Variants in PTPRQ observed in about 807,000 individuals in gnomAD.
PTPRQ encodes protein tyrosine phosphatase receptor type Q.
Under a neutral mutation model 246.0 loss-of-function variants are expected in PTPRQ, and 199 were observed. The observed-to-expected ratio is 0.81, with a 90% CI of 0.72 to 0.91. The LOEUF is 0.91. Among genes scored for constraint, PTPRQ ranks in the 40% least tolerant of loss-of-function variants. The probability of loss-of-function intolerance (pLI) is 0.00; values close to 1 mark genes in which losing one functional copy is unlikely to be tolerated. For synonymous variants in PTPRQ, 869 were observed against 853.2 expected, an observed-to-expected ratio of 1.02 and a Z score of -0.32; for missense variants, 2,624 against 2,528.4, an observed-to-expected ratio of 1.04 and a Z score of -0.81.
intron 34 of PTPRQ, among the ~76,000 whole-genome samples, chr12:80,632,879 A>G (rs1016658920): frequency 2.0e-5 from 3 of 152,150 alleles, no homozygotes; most frequent in Non-Finnish European, 4.4e-5. Flanking sequence ...AGCTGGTACT[A>G]CTTGAGACTG....
intron 3 of PTPRQ, among the ~76,000 whole-genome samples, chr12:80,453,760 G>A (rs1892862888): frequency 2.7e-5 from 1 of 36,952 alleles, no homozygotes; most frequent in East Asian, 3.6e-4. Context: ...GCCTTGTGAG[G>A]TGTCAGTCTG....
chr12:80,610,689 A>T, intron 28 of PTPRQ, 64 bp downstream of exon 28: 5 of 1,505,876 alleles, frequency 3.3e-6, no homozygotes, highest in Non-Finnish European at 4.4e-6. Context: ...CTTACAGTTC[A>T]TCATACTCCA....
chr12:80,619,314 GA>G, intron 30 of PTPRQ, 69 bp from the exon 31 acceptor site: 1 of 1,480,140 alleles, frequency 6.8e-7, no homozygotes, highest in Non-Finnish European at 9.0e-7. Context: ...TGCATGAAAG[GA>G]GAAAGATTTT....
In PTPRQ at chr12:80,460,765, T is replaced by A; in HGVS notation, c.773T>A (p.Ile258Asn). 1 of 400,590 alleles carries A rather than the reference T, an allele frequency of 2.5e-6. No individual in the cohort carries two copies. Among genetic ancestry groups the A allele is most frequent in the Non-Finnish European group, 4.4e-6 (1 of 226,218 alleles). The allele number at this position is 400,590 out of a possible 1,614,324, so 24.8% of individuals were successfully genotyped here. ...TCAAGCACGTTGACACAGAATGAGA[T>A]CAGCTCTGTGTGGAAAGAGCCTATC... ...HSSSTLTQNE[I>N]SSVWKEPISF... is the part of the protein sequence containing the mutation. The change falls in exon 6 of 45, where the codon ATC becomes AAC. Residue 258 changes from isoleucine to asparagine, a missense_variant. Ile to Asn is a moderately radical substitution (Grantham distance 149). Transcript: ENST00000644991.
intron 26 of PTPRQ, among the ~76,000 whole-genome samples, chr12:80,599,124 C>A (rs1362269714): frequency 6.6e-6 from 1 of 151,906 alleles, no homozygotes; most frequent in African/African-American, 2.4e-5. Context: ...AGCATCAAGA[C>A]ACAGATGGAT....
At chr12:80,590,598 G>A (rs1389033162) in intron 26 of PTPRQ, among the ~76,000 whole-genome samples, 3 of 149,968 alleles carry the variant, frequency 2.0e-5, no homozygotes, top group Non-Finnish European at 4.4e-5. Flanking sequence ...AACCCGGAAG[G>A]CGGAGCTTGC....
chr12:80,634,553 A>G (rs1025998045), intron 34 of PTPRQ: 1 of 165,366 alleles, frequency 6.0e-6, no homozygotes, highest in African/African-American at 2.4e-5. Flanking sequence ...TAGCAATACT[A>G]TTGATAGCAT....
At chr12:80,597,665 A>G (rs1194584785) in intron 26 of PTPRQ, among the ~76,000 whole-genome samples, 1 of 151,968 alleles carries the variant, frequency 6.6e-6, no homozygotes, top group African/African-American at 2.4e-5. Flanking sequence ...GAGCAGTGTC[A>G]CTATTTTTTC....
intron 8 of PTPRQ, among the ~76,000 whole-genome samples, chr12:80,473,468 C>CTTTA (rs1893716753): frequency 6.6e-6 from 1 of 152,186 alleles, no homozygotes; most frequent in Non-Finnish European, 1.5e-5. Flanking sequence ...TGATTTTGGT[C>CTTTA]TTAATAGAGT....
intron 35 of PTPRQ, among the ~76,000 whole-genome samples, chr12:80,638,685 G>A (rs1565834444): frequency 6.6e-6 from 1 of 152,110 alleles, no homozygotes; most frequent in Non-Finnish European, 1.5e-5. Context: ...TTTTGAAAAT[G>A]CCTTCTCTCA....
At chr12:80,652,970 C>A in intron 38 of PTPRQ, 136 bp downstream of exon 38, 1 of 1,024,718 alleles carries the variant, frequency 9.8e-7, no homozygotes, top group Non-Finnish European at 1.3e-6. Context: ...CAGTGACTAC[C>A]AAATTATATA....
At position 80,679,043 on chromosome 12, in the gene PTPRQ, C is replaced by A. The variant is rs1158270238; in HGVS notation, c.*20C>A. 2.6e-6 allele frequency: 4 copies of A among 1,540,642 alleles called. No homozygotes were observed. Among genetic ancestry groups the A allele is most frequent in the Non-Finnish European group, 3.5e-6 (4 of 1,142,592 alleles). On this transcript the variant is annotated 3_prime_UTR_variant, in exon 45 of 45. Coordinates refer to ENST00000644991, the MANE Select transcript of PTPRQ (RefSeq NM_001145026.2). ...ATGTAAATATTCAGACCAAAGGATA[C>A]AATTGGAAGAGATTTTTAAATCCCA... is the stretch of plus-strand genomic sequence containing the variant.
chr12:80,466,329 A>G (rs1235538530), intron 6 of PTPRQ, among the ~76,000 whole-genome samples: 1 of 152,168 alleles, frequency 6.6e-6, no homozygotes, highest in Admixed American at 6.5e-5. Context: ...AAGGAGAAGT[A>G]CAAACCAGTG....
At chr12:80,669,761 C>G (rs1900909893) in intron 41 of PTPRQ, among the ~76,000 whole-genome samples, 1 of 151,952 alleles carries the variant, frequency 6.6e-6, no homozygotes, top group Admixed American at 6.6e-5. Flanking sequence ...TTTATTTTAT[C>G]TAATGAAGAA....
At chr12:80,652,903 G>T in intron 38 of PTPRQ, 69 bp downstream of exon 38, 1 of 1,383,812 alleles carries the variant, frequency 7.2e-7, no homozygotes, top group Non-Finnish European at 9.4e-7. Context: ...TAACTTTTTT[G>T]TTTCCTTAAT....
intron 23 of PTPRQ, among the ~76,000 whole-genome samples, chr12:80,543,455 CA>C (rs1195401973): frequency 6.6e-6 from 1 of 151,912 alleles, no homozygotes; most frequent in Non-Finnish European, 1.5e-5. Flanking sequence ...CAAAGAGTCT[CA>C]AATATATGTC....
At chr12:80,583,122 A>G (rs1380460615) in intron 25 of PTPRQ, among the ~76,000 whole-genome samples, 2 of 152,128 alleles carry the variant, frequency 1.3e-5, no homozygotes, top group Non-Finnish European at 2.9e-5. Context: ...GCTTCTTCTT[A>G]TCCTTCAGGT....
rs1291407682 is a variant in PTPRQ, at chr12:80,541,629, C to T, written c.3229C>T (p.Pro1077Ser). The T allele has an allele frequency of 9.7e-6, 15 of 1,548,132 alleles. No individual in the cohort carries two copies. Among genetic ancestry groups the T allele is most frequent in the Admixed American group, 5.9e-5 (3 of 50,666 alleles). ...STAINVSWVP[P>S]AQPNGLVFYY... ...TGCAATAAATGTAAGCTGGGTCCCA[C>T]CGGCTCAACCAAACGGTCTAGTCTT... The change falls in exon 21 of 45, where the codon CCG becomes TCG. Residue 1077 changes from proline to serine, a missense_variant. Physicochemically the swap from Pro to Ser is moderately conservative, Grantham distance 74. Coordinates refer to ENST00000644991, the MANE Select transcript of PTPRQ (RefSeq NM_001145026.2).
chr12:80,668,130 T>C lies in PTPRQ; in HGVS notation c.6193-877T>C, dbSNP rs1028398304. Among the ~76,000 whole-genome samples the C allele has an allele frequency of 7.2e-5, 11 of 151,972 alleles. No homozygotes were observed. In the East Asian group the frequency reaches 1.7e-3, roughly 24 times the overall value. Reference sequence around the variant, plus strand: ...ATGTTACCTTTTATTCCATATTCCTTAAAGCATCTTCCTGTTTGAAATAGA... The same window carrying C: ...ATGTTACCTTTTATTCCATATTCCTCAAAGCATCTTCCTGTTTGAAATAGA... On this transcript the variant is annotated intron_variant, in intron 39 of 44. Transcript: ENST00000644991.
Sources: allele counts gnomAD v4.1 joint callset (sites outside exome capture counted in the v4.1 genomes callset), GRCh38; gene constraint gnomAD v4.1.1; transcripts MANE v1.5; gene names NCBI Gene and HGNC (gene_info 2026-07-23, HGNC 2026-07-21).